The following NTNG1 variants were observed in gnomAD, a reference collection of about 807,000 sequenced individuals.
NTNG1 encodes the protein netrin G1.
A neutral mutation model predicts 54.0 loss-of-function variants in NTNG1; 16 were observed. That is an observed-to-expected ratio of 0.30 (90% CI 0.20 to 0.45). The LOEUF (loss-of-function observed/expected upper bound fraction) is 0.45. NTNG1 is among the 20% of genes least tolerant of loss of function. The pLI is 1.00. For synonymous variants in NTNG1, 255 were observed against 263.1 expected (o/e 0.97, Z 0.30); for missense variants, 530 against 678.7 (o/e 0.78, Z 2.43).
chr1:107,463,114 C>T (rs1677380607), intron 7 of NTNG1, among the ~76,000 whole-genome samples: 1 of 152,150 alleles, frequency 6.6e-6, no homozygotes, highest in African/African-American at 2.4e-5. Context: ...TTCATTGTGC[C>T]TTGACTAACT....
rs529194338 is a variant in NTNG1 at position 107,290,238 on chromosome 1, A to G, written c.247-34044A>G. 9.2e-5 allele frequency among the ~76,000 whole-genome samples: 14 copies of G among 152,296 alleles called. No homozygotes were observed. The South Asian group carries it at 1.9e-3, about 20-fold the overall frequency. ...TAAGGGTATACATACTGAAATATCA[A>G]ATAGAATTATCTCACAATTCATTGA... On this transcript the variant is annotated intron_variant, in intron 2 of 7. Coordinates refer to ENST00000370068, the MANE Select transcript of NTNG1 (RefSeq NM_001113226.3).
At chr1:107,316,715 A>G (rs1388868378) in intron 2 of NTNG1, among the ~76,000 whole-genome samples, 1 of 152,200 alleles carries the variant, frequency 6.6e-6, no homozygotes, top group Non-Finnish European at 1.5e-5. Flanking sequence ...AAGGACACCT[A>G]ATCCTCTCTT....
At chr1:107,354,296 C>T (rs1669807422) in intron 3 of NTNG1, among the ~76,000 whole-genome samples, 1 of 151,668 alleles carries the variant, frequency 6.6e-6, no homozygotes, top group African/African-American at 2.4e-5. Flanking sequence ...TGGTGACACC[C>T]TGTCTCTACT....
At chr1:107,427,176 T>C (rs1163899746) in intron 5 of NTNG1, among the ~76,000 whole-genome samples, 1 of 152,104 alleles carries the variant, frequency 6.6e-6, no homozygotes, top group Non-Finnish European at 1.5e-5. Context: ...TTTATTTCTT[T>C]CTCTTGCCTG....
At chr1:107,465,941 G>A (rs1677578003) in intron 7 of NTNG1, among the ~76,000 whole-genome samples, 1 of 152,224 alleles carries the variant, frequency 6.6e-6, no homozygotes, top group African/African-American at 2.4e-5. Context: ...TTAATTGTGT[G>A]TGTGTGCATA....
At chr1:107,385,697 A>C (rs1299322049) in intron 3 of NTNG1, among the ~76,000 whole-genome samples, 1 of 151,966 alleles carries the variant, frequency 6.6e-6, no homozygotes. Context: ...TATTATCCTC[A>C]TTTTACAGAG....
At chr1:107,460,117 G>A (rs980323689) in intron 7 of NTNG1, among the ~76,000 whole-genome samples, 4 of 152,140 alleles carry the variant, frequency 2.6e-5, no homozygotes, top group Non-Finnish European at 2.9e-5. Flanking sequence ...TCAGTGCAAC[G>A]AGCATGCAAG....
chr1:107,372,503 G>A (rs950365268), intron 3 of NTNG1, among the ~76,000 whole-genome samples: 23 of 152,104 alleles, frequency 1.5e-4, no homozygotes, highest in African/African-American at 5.5e-4. Flanking sequence ...TGAATTTTCA[G>A]TGTAGTTTCA....
chr1:107,227,688 TCA>T (rs1553205325), intron 2 of NTNG1, among the ~76,000 whole-genome samples: 3 of 148,824 alleles, frequency 2.0e-5, no homozygotes, highest in Admixed American at 2.0e-4. Flanking sequence ...TCTCTCTCTC[TCA>T]CACACACACA....
intron 2 of NTNG1, among the ~76,000 whole-genome samples, chr1:107,247,143 A>G (rs1662256229): frequency 6.6e-6 from 1 of 152,184 alleles, no homozygotes; most frequent in South Asian, 2.1e-4. Context: ...ACCTTCTGAG[A>G]CTTTGTGTCT....
chr1:107,430,669 C>A, intron 5 of NTNG1, 81 bp from the exon 6 acceptor site: 1 of 1,405,782 alleles, frequency 7.1e-7, no homozygotes, highest in South Asian at 1.2e-5. Context: ...TTTCTCCATC[C>A]CTCATTTTAC....
intron 2 of NTNG1, among the ~76,000 whole-genome samples, chr1:107,182,290 GAGATTTCCT>G (rs1391826559): frequency 6.6e-6 from 1 of 152,108 alleles, no homozygotes; most frequent in African/African-American, 2.4e-5. Context: ...TCATTTTAGA[GAGATTTCCT>G]AGCAACAGAA....
intron 3 of NTNG1, among the ~76,000 whole-genome samples, chr1:107,391,063 T>A (rs1672326160): frequency 6.6e-6 from 1 of 152,122 alleles, no homozygotes; most frequent in Non-Finnish European, 1.5e-5. Flanking sequence ...AAGGGAAGAA[T>A]TATCCTGATC....
chr1:107,248,891 A>G (rs914801350), intron 2 of NTNG1, among the ~76,000 whole-genome samples: 5 of 151,758 alleles, frequency 3.3e-5, no homozygotes, highest in Middle Eastern at 3.5e-3. Flanking sequence ...GCTCATGCCT[A>G]TAATCCCAGA....
rs1249103724 is a variant in NTNG1, at chr1:107,324,645, A to G, written c.610A>G (p.Ile204Val). The G allele has an allele frequency of 6.2e-7, 1 of 1,613,728 alleles. No individual in the cohort carries two copies. The change falls in exon 3 of 8, where the codon ATC becomes GTC. Residue 204 changes from isoleucine to valine, a missense_variant. This residue lies in a region of NTNG1 where 318 missense variants were observed against 465.1 expected (regional missense o/e 0.68). Coordinates refer to ENST00000370068, the MANE Select transcript of NTNG1 (RefSeq NM_001113226.3). ...KDLSQHTVLE[I>V]ICTEEYSTGY... The stretch of plus-strand genomic sequence containing the variant: ...TTTATCACAGCATACGGTCTTAGAA[A>G]TCATTTGCACAGAAGAGTACTCAAC...
chr1:107,423,824 A>G (rs1284213177), intron 5 of NTNG1, among the ~76,000 whole-genome samples: 1 of 152,124 alleles, frequency 6.6e-6, no homozygotes, highest in Non-Finnish European at 1.5e-5. Context: ...ACTCCTTAAT[A>G]TATAGGATAT....
chr1:107,428,437 G>A (rs933327016), intron 5 of NTNG1, among the ~76,000 whole-genome samples: 3 of 151,948 alleles, frequency 2.0e-5, no homozygotes, highest in Non-Finnish European at 2.9e-5. Flanking sequence ...CTTATATGTA[G>A]CTGTAGAAAG....
intron 2 of NTNG1, among the ~76,000 whole-genome samples, chr1:107,174,115 GTTTAA>G (rs1570762910): frequency 6.6e-6 from 1 of 152,038 alleles, no homozygotes; most frequent in Non-Finnish European, 1.5e-5. Context: ...CTAAATTATT[GTTTAA>G]TTTAAATAGT....
intron 7 of NTNG1, among the ~76,000 whole-genome samples, chr1:107,474,703 C>G (rs1678201899): frequency 6.6e-6 from 1 of 152,144 alleles, no homozygotes. Flanking sequence ...CATAACATGG[C>G]AGAAGGCATC....
Sources: allele counts gnomAD v4.1 joint callset (sites outside exome capture counted in the v4.1 genomes callset), GRCh38; gene constraint gnomAD v4.1.1; regional missense constraint gnomAD v4.1.1; transcripts MANE v1.5; gene names NCBI Gene and HGNC (gene_info 2026-07-23, HGNC 2026-07-21).